IPP: variants seen among roughly 807,000 people sequenced by gnomAD.
IPP encodes the protein intracisternal A particle-promoted polypeptide, also known as actin-binding protein IPP.
In IPP, 41 loss-of-function variants were observed where a neutral mutation model predicts 64.1. The ratio of observed to expected loss-of-function variants is 0.64; its 90% CI spans 0.50 to 0.83. IPP has a LOEUF of 0.83. Among genes scored for constraint, IPP ranks in the 40% least tolerant of loss-of-function variants. The pLI is 0.00. For synonymous variants in IPP, 214 were observed against 235.2 expected, an observed-to-expected ratio of 0.91 and a Z score of 0.83; for missense variants, 649 against 703.0, an observed-to-expected ratio of 0.92 and a Z score of 0.87.
At chr1:45,735,240 C>T (rs933252069) in intron 3 of IPP, among the ~76,000 whole-genome samples, 6 of 151,680 alleles carry the variant, frequency 4.0e-5, no homozygotes, top group African/African-American at 7.3e-5. Context: ...CATGCCACCA[C>T]GCCCAGCTAA....
rs968163969 is a variant in IPP, at chr1:45,745,610, G to A, written c.292+510C>T. The stretch of plus-strand genomic sequence containing the variant: ...GCAGTGGCTCACGCCTGTAATCCCA[G>A]CACTTTGGGAGGCCAAGGCGGGCGG... On this transcript the variant is annotated intron_variant, in intron 2 of 8. Transcript: ENST00000396478. 4.9e-4 allele frequency among the ~76,000 whole-genome samples: 74 copies of A among 152,056 alleles called. 1 individual carries two copies. Among genetic ancestry groups the A allele is most frequent in the African/African-American group, 1.5e-3 (63 of 41,464 alleles).
At chr1:45,743,840 G>A (rs1291593010) in intron 2 of IPP, among the ~76,000 whole-genome samples, 9 of 145,940 alleles carry the variant, frequency 6.2e-5, no homozygotes, top group Non-Finnish European at 1.1e-4. Flanking sequence ...GTGAAAACCC[G>A]TCTCTACTAA....
intron 8 of IPP, among the ~76,000 whole-genome samples, chr1:45,705,838 C>G (rs1429433373): frequency 6.6e-6 from 1 of 151,968 alleles, no homozygotes; most frequent in Non-Finnish European, 1.5e-5. Context: ...CAAAAAACCT[C>G]TCAGATATTA....
intron 3 of IPP, among the ~76,000 whole-genome samples, chr1:45,732,361 CA>C (rs779442718): frequency 7.2e-4 from 43 of 59,762 alleles, no homozygotes; most frequent in South Asian, 3.5e-3. Context: ...GACTCCACCT[CA>C]AAAAAAAAAA....
chr1:45,707,182 C>T (rs753497116), intron 8 of IPP, among the ~76,000 whole-genome samples: 14 of 152,078 alleles, frequency 9.2e-5, no homozygotes, highest in Non-Finnish European at 1.8e-4. Flanking sequence ...CCAGCACTTT[C>T]GGAGGCCGAG....
At chr1:45,700,400 G>A (rs181173787) in intron 8 of IPP, among the ~76,000 whole-genome samples, 127 of 137,620 alleles carry the variant, frequency 9.2e-4, no homozygotes, top group African/African-American at 3.1e-3. Context: ...GGAATGCACA[G>A]CAACGATCTC....
chr1:45,740,479 G>A (rs1173782743), intron 3 of IPP, among the ~76,000 whole-genome samples: 1 of 151,996 alleles, frequency 6.6e-6, no homozygotes, highest in Non-Finnish European at 1.5e-5. Context: ...CTCCCGAACG[G>A]GGCGGCTGGC....
intron 2 of IPP, among the ~76,000 whole-genome samples, chr1:45,743,445 C>T (rs1322802380): frequency 6.6e-6 from 1 of 150,788 alleles, no homozygotes; most frequent in Non-Finnish European, 1.5e-5. Flanking sequence ...GGTGTGGTAG[C>T]ATGTGCGCCT....
chr1:45,737,742 G>A (rs1645999686), intron 3 of IPP, among the ~76,000 whole-genome samples: 1 of 152,080 alleles, frequency 6.6e-6, no homozygotes, highest in African/African-American at 2.4e-5. Flanking sequence ...TTACAGGCAT[G>A]AGCCACCGTG....
At chr1:45,741,591 C>G (rs376389856) in intron 2 of IPP, among the ~76,000 whole-genome samples, 2 of 151,290 alleles carry the variant, frequency 1.3e-5, no homozygotes, top group Non-Finnish European at 2.9e-5. Flanking sequence ...ATTATAATCC[C>G]ATGTGGTAGA....
chr1:45,722,772 GAACA>G (rs1368742484), intron 5 of IPP, among the ~76,000 whole-genome samples: 2 of 152,050 alleles, frequency 1.3e-5, no homozygotes, highest in South Asian at 2.1e-4. Context: ...ACTACAGAAT[GAACA>G]AACAAAATAT....
At chr1:45,727,167 A>T (rs1220975818) in intron 5 of IPP, among the ~76,000 whole-genome samples, 2 of 151,938 alleles carry the variant, frequency 1.3e-5, no homozygotes, top group Non-Finnish European at 2.9e-5. Context: ...TTCCCACATC[A>T]TCCTCTCAAG....
At chr1:45,695,356 G>T (rs1170364555), downstream of IPP, among the ~76,000 whole-genome samples, 2 of 151,974 alleles carry the variant, frequency 1.3e-5, no homozygotes, top group Admixed American at 1.3e-4. Flanking sequence ...GTAGAGACAG[G>T]GTCTCCCTAT....
chr1:45,727,268 T>C (rs545153022), intron 5 of IPP, among the ~76,000 whole-genome samples: 11 of 152,256 alleles, frequency 7.2e-5, no homozygotes, highest in African/African-American at 2.4e-4. Context: ...CAGGCTGGTC[T>C]CAAACTCTTG....
chr1:45,697,212 T>A (rs1645394740), downstream of IPP: 1 of 152,212 alleles, frequency 6.6e-6, no homozygotes, highest in African/African-American at 2.4e-5. Context: ...TATGGTTAAG[T>A]TATAAGGAAG....
chr1:45,743,259 A>C (rs1570051886), intron 2 of IPP, among the ~76,000 whole-genome samples: 1 of 144,430 alleles, frequency 6.9e-6, no homozygotes, highest in African/African-American at 2.6e-5. Flanking sequence ...TTTTTCTGAG[A>C]CAGGCTCTTG....
rs997580960 is a variant in IPP at position 45,699,726 on chromosome 1, G to A, written c.*240C>T. ...TGCCCAGAGTGGAGTGCAGTGGCAT[G>A]ATCGTAGCTTACTACAACCTCAAAT... On this transcript the variant is annotated 3_prime_UTR_variant, in exon 9 of 9. Transcript: ENST00000396478. 4.9e-6 allele frequency: 6 copies of A among 1,212,802 alleles called. No homozygotes were observed. The African/African-American group carries it at 6.1e-5, about 12-fold the overall frequency. The allele number at this position is 1,212,802 out of a possible 1,614,324, so 75.1% of individuals were successfully genotyped here.
rs370459298 is a variant in IPP, at chr1:45,747,928, A to C, written c.-50-1467T>G. ...CACAGGGAAATTTAAGATGACTAAG[A>C]TTTTGTAATTTAGGTATCAATGACA... On this transcript the variant is annotated intron_variant, in intron 1 of 8. Coordinates refer to ENST00000396478, the MANE Select transcript of IPP (RefSeq NM_005897.3). Among the ~76,000 whole-genome samples, 11 of 150,444 alleles carry C rather than the reference A, an allele frequency of 7.3e-5. No homozygotes were observed. In the East Asian group the frequency reaches 1.6e-3, roughly 22 times the overall value.
At chr1:45,749,974 G>A (rs1465586667) in intron 1 of IPP, among the ~76,000 whole-genome samples, 2 of 152,150 alleles carry the variant, frequency 1.3e-5, no homozygotes, top group East Asian at 3.9e-4. Flanking sequence ...GATCGCTAGA[G>A]CCTGAGAAGT....
Sources: allele counts gnomAD v4.1 joint callset (sites outside exome capture counted in the v4.1 genomes callset), GRCh38; gene constraint gnomAD v4.1.1; transcripts MANE v1.5; gene names NCBI Gene and HGNC (gene_info 2026-07-23, HGNC 2026-07-21).